The following CEP170 variants were observed in gnomAD, a reference collection of about 807,000 sequenced individuals.
The protein encoded by CEP170 is centrosomal protein 170.
In CEP170, 21 loss-of-function variants were observed where a neutral mutation model predicts 151.9. The ratio of observed to expected loss-of-function variants is 0.14; its 90% confidence interval spans 0.10 to 0.20. The LOEUF is 0.20. CEP170 is among the 10% of genes least tolerant of loss of function. CEP170 has a pLI of 1.00. For missense variants in CEP170, 964 were observed against 1,892.9 expected, an observed-to-expected ratio of 0.51 and a Z score of 9.11; for synonymous variants, 356 against 648.8, an observed-to-expected ratio of 0.55 and a Z score of 6.86.
At chr1:243,160,613 G>A (rs1352272354) in intron 13 of CEP170, among the ~76,000 whole-genome samples, 3 of 151,930 alleles carry the variant, frequency 2.0e-5, no homozygotes, top group Non-Finnish European at 4.4e-5. Context: ...TTGCAAACAC[G>A]CTTCAGAAAA....
chr1:243,163,030 T>A (rs1175284675), intron 13 of CEP170: 1 of 152,190 alleles, frequency 6.6e-6, no homozygotes, highest in Non-Finnish European at 1.5e-5. Flanking sequence ...CCTACGTCCA[T>A]TTCTACCATA....
intron 1 of CEP170, among the ~76,000 whole-genome samples, chr1:243,246,520 C>T (rs374190997): frequency 6.6e-6 from 1 of 152,148 alleles, no homozygotes; most frequent in African/African-American, 2.4e-5. Context: ...GCATGAGCCA[C>T]TGGGCCCGGC....
intron 1 of CEP170, among the ~76,000 whole-genome samples, chr1:243,242,654 G>A (rs1047991580): frequency 5.3e-5 from 8 of 151,828 alleles, no homozygotes; most frequent in Non-Finnish European, 7.4e-5. Context: ...ACCTTTCACC[G>A]ACTTGGATTC....
At chr1:243,251,504 C>T (rs1230970946) in intron 1 of CEP170, among the ~76,000 whole-genome samples, 1 of 152,074 alleles carries the variant, frequency 6.6e-6, no homozygotes, top group Non-Finnish European at 1.5e-5. Context: ...AAAATAATAC[C>T]TTAATTTAGA....
intron 10 of CEP170, among the ~76,000 whole-genome samples, chr1:243,178,804 C>T (rs768705320): frequency 6.6e-5 from 10 of 151,884 alleles, no homozygotes; most frequent in East Asian, 1.9e-4. Flanking sequence ...CTGCAACCTC[C>T]GCCTCCCGGG....
At chr1:243,210,608 ATTTTTTTTTT>A (rs751388751) in intron 4 of CEP170, among the ~76,000 whole-genome samples, 3 of 67,958 alleles carry the variant, frequency 4.4e-5, no homozygotes, top group African/African-American at 1.2e-4. Context: ...ATTTTTCGTA[ATTTTTTTTTT>A]TTTTTTTTTT....
At chr1:243,208,755 T>C (rs2061581159) in intron 4 of CEP170, among the ~76,000 whole-genome samples, 2 of 152,066 alleles carry the variant, frequency 1.3e-5, no homozygotes, top group African/African-American at 2.4e-5. Flanking sequence ...CCATAGAACT[T>C]ACCATCCTCT....
intron 1 of CEP170, among the ~76,000 whole-genome samples, chr1:243,240,684 A>G (rs558665077): frequency 1.1e-3 from 157 of 148,906 alleles, no homozygotes; most frequent in Non-Finnish European, 1.6e-3. Flanking sequence ...ACAGATTAAG[A>G]TGCACTTATT....
intron 1 of CEP170, among the ~76,000 whole-genome samples, chr1:243,254,180 A>T (rs1456425269): frequency 7.2e-6 from 1 of 138,344 alleles, no homozygotes; most frequent in African/African-American, 2.8e-5. Flanking sequence ...TCTTCCTTAC[A>T]TTCCTCAAAA....
intron 2 of CEP170, 74 bp downstream of exon 2, chr1:243,225,099 TCTA>T (rs2063122490): frequency 1.3e-6 from 1 of 758,046 alleles, no homozygotes; most frequent in Non-Finnish European, 2.0e-6. Context: ...AGCACTGTTT[TCTA>T]AAGGAGTAGA....
intron 10 of CEP170, among the ~76,000 whole-genome samples, chr1:243,174,797 A>C (rs1395089847): frequency 6.6e-6 from 1 of 152,248 alleles, no homozygotes. Context: ...GTTTAACAGC[A>C]GTGAAAAAAC....
chr1:243,189,294 C>T (rs371813856), intron 8 of CEP170, among the ~76,000 whole-genome samples: 13 of 151,996 alleles, frequency 8.6e-5, no homozygotes, highest in African/African-American at 2.9e-4. Flanking sequence ...CGGTGGCTCA[C>T]GCCTGTAACC....
intron 1 of CEP170, among the ~76,000 whole-genome samples, chr1:243,243,250 T>C (rs2065035559): frequency 6.6e-6 from 1 of 152,070 alleles, no homozygotes; most frequent in African/African-American, 2.4e-5. Flanking sequence ...GAAAGAGTCA[T>C]AGGGTAAAAC....
intron 8 of CEP170, among the ~76,000 whole-genome samples, chr1:243,188,106 T>C (rs1212959575): frequency 2.6e-5 from 4 of 152,080 alleles, no homozygotes; most frequent in Non-Finnish European, 5.9e-5. Context: ...AACAAACTCC[T>C]TAGTTCAAAT....
intron 1 of CEP170, among the ~76,000 whole-genome samples, chr1:243,226,122 C>T (rs975839001): frequency 1.7e-4 from 16 of 95,996 alleles, no homozygotes; most frequent in African/African-American, 4.9e-4. Context: ...TATGTATATA[C>T]GTGTGTATAT....
intron 14 of CEP170, among the ~76,000 whole-genome samples, chr1:243,144,225 G>A (rs1440897236): frequency 6.6e-6 from 1 of 152,174 alleles, no homozygotes; most frequent in Non-Finnish European, 1.5e-5. Flanking sequence ...CAGCTTCATA[G>A]TCCTCAACTC....
At chr1:243,172,594 T>C in intron 11 of CEP170, 103 bp downstream of exon 11, 2 of 952,858 alleles carry the variant, frequency 2.1e-6, no homozygotes, top group Non-Finnish European at 1.5e-6. Context: ...ATCCTGCCAT[T>C]GCACTCCAGC....
chr1:243,152,363 A>G (rs1270123105), intron 14 of CEP170, among the ~76,000 whole-genome samples: 1 of 151,064 alleles, frequency 6.6e-6, no homozygotes, highest in Admixed American at 6.6e-5. Flanking sequence ...CTGAGACTAC[A>G]GGCGCCCGCC....
chr1:243,128,133 A>G (rs1261319267), intron 19 of CEP170, 116 bp downstream of exon 19: 74 of 797,424 alleles, frequency 9.3e-5, no homozygotes, highest in Non-Finnish European at 1.3e-4. Context: ...TCTGTATTTT[A>G]TGTATGTCAT....
Sources: gnomAD v4.1 joint callset for allele counts (sites outside exome capture counted in the v4.1 genomes callset) on GRCh38, gnomAD v4.1.1 for gene constraint, MANE v1.5 for transcripts, NCBI Gene and HGNC (gene_info 2026-07-23, HGNC 2026-07-21) for gene names.